Variants in CCDC141 observed in about 807,000 individuals in gnomAD.
CCDC141 encodes coiled-coil domain-containing protein 141.
In CCDC141, 168 loss-of-function variants were observed where a neutral mutation model predicts 181.0. The observed-to-expected ratio is 0.93, with a 90% CI of 0.82 to 1.05. The LOEUF (loss-of-function observed/expected upper bound fraction) is 1.05, where lower values mean the gene tolerates loss of function less well. Among genes scored for constraint, CCDC141 ranks in the 50% least tolerant of loss-of-function variants. The probability of loss-of-function intolerance (pLI) is 0.00; values close to 1 mark genes in which losing one functional copy is unlikely to be tolerated. For missense variants in CCDC141, 1,902 were observed against 1,788.5 expected (o/e 1.06, Z -1.14); for synonymous variants, 666 against 642.3 (o/e 1.04, Z -0.56).
chr2:178,817,642 G>C, the CCDC141 span: 1 of 446,480 alleles, frequency 2.2e-6, no homozygotes, highest in Non-Finnish European at 4.6e-6. Context: ...AGGTTGACAG[G>C]TCTAACACTT....
At chr2:178,881,775 T>A (rs1190954824) in intron 11 of CCDC141, among the ~76,000 whole-genome samples, 1 of 151,844 alleles carries the variant, frequency 6.6e-6, no homozygotes, top group Non-Finnish European at 1.5e-5. Flanking sequence ...GTACCTGTAG[T>A]CCCAGCTACC....
intron 8 of CCDC141, among the ~76,000 whole-genome samples, chr2:178,895,069 T>C (rs996559639): frequency 1.3e-5 from 2 of 152,122 alleles, no homozygotes; most frequent in African/African-American, 2.4e-5. Context: ...AGAAATTGGG[T>C]CCCACTTGTA....
chr2:178,886,810 G>C lies in CCDC141; in HGVS notation c.1469C>G (p.Thr490Ser). 1 of 1,480,474 alleles carries C rather than the reference G, an allele frequency of 6.8e-7. No homozygotes were observed. The highest frequency in any genetic ancestry group is 9.0e-7 in the Non-Finnish European group (1 of 1,115,968). 91.7% of individuals were successfully genotyped at this position (1,480,474 alleles called of 1,614,324 possible). ...VLSNAMDVGSTRSESEKILNK... is the reference protein window; with the variant it reads ...VLSNAMDVGSSRSESEKILNK... The stretch of plus-strand genomic sequence containing the variant: ...CAAAATCTTCTCTGATTCAGAACGG[G>C]TAGAACCAACATCCATTGCATTAGA... Residue 490 changes from threonine to serine, a missense_variant, in exon 10 of 24, where the codon ACC becomes AGC. Thr to Ser is a moderately conservative substitution (Grantham distance 58, BLOSUM62 1). Coordinates refer to ENST00000443758, the MANE Select transcript of CCDC141 (RefSeq NM_173648.4).
intron 2 of CCDC141, among the ~76,000 whole-genome samples, chr2:179,013,098 A>C (rs1216470271): frequency 6.6e-6 from 1 of 152,152 alleles, no homozygotes; most frequent in Admixed American, 6.6e-5. Context: ...TCAATATAGT[A>C]CTGGAAGTCC....
the CCDC141 span, among the ~76,000 whole-genome samples, chr2:178,823,632 G>A: frequency 3.9e-5 from 6 of 152,132 alleles, no homozygotes; most frequent in East Asian, 1.9e-4. Context: ...ATGTTATGAC[G>A]TTGTTATTAC....
intron 6 of CCDC141, among the ~76,000 whole-genome samples, chr2:178,930,045 G>A (rs766292184): frequency 8.6e-5 from 13 of 151,970 alleles, no homozygotes; most frequent in Admixed American, 8.5e-4. Context: ...TGATATGATC[G>A]TACATGCAGA....
At chr2:178,840,246 G>A (rs7564036) in intron 22 of CCDC141, among the ~76,000 whole-genome samples, 10,832 of 152,182 alleles carry the variant, frequency 0.071, 1,211 homozygotes, top group East Asian at 0.58. Flanking sequence ...TCATTTCTGG[G>A]AGGTCCCACT....
the CCDC141 span, among the ~76,000 whole-genome samples, chr2:178,816,106 C>T: frequency 1.3e-5 from 2 of 152,066 alleles, no homozygotes; most frequent in African/African-American, 4.8e-5. Flanking sequence ...CTGTGGGTTT[C>T]GATTGATGTT....
At chr2:178,847,257 C>CG (rs1684977948) in intron 21 of CCDC141, among the ~76,000 whole-genome samples, 1 of 152,114 alleles carries the variant, frequency 6.6e-6, no homozygotes, top group African/African-American at 2.4e-5. Context: ...AGGCCAGGTG[C>CG]GGTGGCTCAC....
intron 5 of CCDC141, among the ~76,000 whole-genome samples, chr2:178,956,680 C>G (rs1690174857): frequency 6.6e-6 from 1 of 152,058 alleles, no homozygotes; most frequent in Non-Finnish European, 1.5e-5. Context: ...GTTTATTGTT[C>G]TTATTATAGT....
At chr2:179,049,205 C>G (rs1482929199) in intron 1 of CCDC141, among the ~76,000 whole-genome samples, 1 of 152,148 alleles carries the variant, frequency 6.6e-6, no homozygotes, top group Non-Finnish European at 1.5e-5. Flanking sequence ...ATTGTAAACC[C>G]TAAGTGGCTT....
At chr2:178,874,140 A>G (rs1288979492) in intron 12 of CCDC141, 1 of 152,226 alleles carries the variant, frequency 6.6e-6, no homozygotes, top group Non-Finnish European at 1.5e-5. Context: ...ATGATTCAAC[A>G]ATAATGTTTG....
chr2:178,930,804 C>T (rs369262950), intron 6 of CCDC141, among the ~76,000 whole-genome samples: 1 of 152,156 alleles, frequency 6.6e-6, no homozygotes, highest in East Asian at 1.9e-4. Context: ...CAAAATTTAA[C>T]TCAAAATGGA....
chr2:179,008,652 C>T (rs1233741554), intron 2 of CCDC141, among the ~76,000 whole-genome samples: 1 of 152,128 alleles, frequency 6.6e-6, no homozygotes, highest in Non-Finnish European at 1.5e-5. Context: ...TAACATACAA[C>T]CACGTTTTGG....
At chr2:178,853,795 A>T (rs1685268653) in intron 19 of CCDC141, among the ~76,000 whole-genome samples, 171 bp from the exon 20 acceptor site, 1 of 152,234 alleles carries the variant, frequency 6.6e-6, no homozygotes, top group African/African-American at 2.4e-5. Context: ...ATTCTACAGC[A>T]CTTAAATGTT....
chr2:178,972,912 A>G (rs1039992636), intron 4 of CCDC141, among the ~76,000 whole-genome samples: 1 of 152,216 alleles, frequency 6.6e-6, no homozygotes, highest in Non-Finnish European at 1.5e-5. Flanking sequence ...AGGAGAAAGC[A>G]TAGGTGAAGC....
intron 17 of CCDC141, among the ~76,000 whole-genome samples, chr2:178,860,561 T>TTG (rs1484516343): frequency 1.6e-3 from 220 of 134,164 alleles, no homozygotes; most frequent in Non-Finnish European, 3.0e-3. Context: ...TTTTTTTTTT[T>TTG]TTTTTTTTTT....
intron 8 of CCDC141, among the ~76,000 whole-genome samples, chr2:178,893,125 C>T (rs1260488725): frequency 6.6e-6 from 1 of 152,094 alleles, no homozygotes; most frequent in Admixed American, 6.6e-5. Flanking sequence ...ACTGTGAAAG[C>T]TTCTTCAGGC....
intron 7 of CCDC141, among the ~76,000 whole-genome samples, chr2:178,911,395 C>A (rs1485372423): frequency 1.3e-5 from 2 of 152,072 alleles, no homozygotes; most frequent in Non-Finnish European, 2.9e-5. Flanking sequence ...AAGTGACTGC[C>A]CAAGGTCATA....
Sources: allele counts gnomAD v4.1 joint callset (sites outside exome capture counted in the v4.1 genomes callset), GRCh38; gene constraint gnomAD v4.1.1; transcripts MANE v1.5; gene names NCBI Gene and HGNC (gene_info 2026-07-23, HGNC 2026-07-21).